Variants in HCLS1 observed in about 807,000 individuals in gnomAD.
HCLS1 encodes hematopoietic cell-specific Lyn substrate 1.
HCLS1 carries 44 observed loss-of-function variants against 68.6 expected under a neutral mutation model. The observed-to-expected ratio is 0.64, with a 90% CI of 0.50 to 0.82. HCLS1 has a LOEUF of 0.82. Among genes scored for constraint, HCLS1 ranks in the 40% least tolerant of loss-of-function variants. HCLS1 has a pLI of 0.00. For missense variants in HCLS1, 602 were observed against 612.1 expected, an observed-to-expected ratio of 0.98 and a Z score of 0.17; for synonymous variants, 217 against 225.8, an observed-to-expected ratio of 0.96 and a Z score of 0.35.
intron 3 of HCLS1, among the ~76,000 whole-genome samples, chr3:121,655,006 C>T (rs1167687386): frequency 6.6e-6 from 1 of 152,206 alleles, no homozygotes; most frequent in Admixed American, 6.5e-5. Flanking sequence ...TCTAAAGCCA[C>T]CTGGCCTGTT....
At chr3:121,656,407 T>A (rs986413609) in intron 3 of HCLS1, 1 of 152,234 alleles carries the variant, frequency 6.6e-6, no homozygotes, top group Non-Finnish European at 1.5e-5. Context: ...TTGCTACTAA[T>A]GTTTGACATT....
At chr3:121,644,964 A>G in intron 4 of HCLS1, 36 bp from the exon 5 acceptor site, 1 of 1,474,902 alleles carries the variant, frequency 6.8e-7, no homozygotes, top group Non-Finnish European at 9.5e-7. Context: ...GTGAAAAGAT[A>G]AAAATGACCT....
intron 4 of HCLS1, among the ~76,000 whole-genome samples, chr3:121,646,527 A>G (rs1400578597): frequency 9.3e-6 from 1 of 107,942 alleles, no homozygotes; most frequent in Non-Finnish European, 1.7e-5. Flanking sequence ...TCTGTTATAT[A>G]TAAGTATATA....
intron 9 of HCLS1, 25 bp downstream of exon 9, chr3:121,635,710 T>C: frequency 1.3e-6 from 2 of 1,573,964 alleles, no homozygotes; most frequent in Admixed American, 1.7e-5. Flanking sequence ...GTGAGGTGCA[T>C]GGAGAGTGAA....
intron 7 of HCLS1, 130 bp from the exon 8 acceptor site, chr3:121,636,619 A>C: frequency 1.4e-6 from 1 of 734,894 alleles, no homozygotes; most frequent in Non-Finnish European, 2.4e-6. Context: ...CAGAGGATAG[A>C]GGGAGGCATG....
In HCLS1 at chr3:121,632,166, G is replaced by GCCCCAT. The variant is rs2049104096; in HGVS notation, c.1258_1259insATGGGG (p.Pro419_Ala420insAspGly). The GCCCCAT allele has an allele frequency of 2.5e-6, 4 of 1,613,914 alleles. No individual in the cohort carries two copies. Among genetic ancestry groups the GCCCCAT allele is most frequent in the Middle Eastern group, 1.6e-4 (1 of 6,084 alleles). ...AGCCACAGCCCCAGCCCCAGCCCCAGCCGGGCAGCCTGATGATCCTGCATA... is the reference window on the plus strand; with the variant it reads ...AGCCACAGCCCCAGCCCCAGCCCCAGCCCCATCCGGGCAGCCTGATGATCCTGCATA... On this transcript the variant is annotated inframe_insertion, in exon 13 of 14. Coordinates refer to ENST00000314583, the MANE Select transcript of HCLS1 (RefSeq NM_005335.6).
At chr3:121,637,885 A>G (rs112102372) in intron 6 of HCLS1, among the ~76,000 whole-genome samples, 33,918 of 151,562 alleles carry the variant, frequency 0.22, 3,936 homozygotes, top group East Asian at 0.3. Flanking sequence ...GCAGTGAGCC[A>G]AGATTGCACC....
chr3:121,651,892 A>G (rs1460945722), intron 3 of HCLS1, among the ~76,000 whole-genome samples: 2 of 152,176 alleles, frequency 1.3e-5, no homozygotes, highest in Non-Finnish European at 2.9e-5. Flanking sequence ...ACTCCTGGCA[A>G]TTTTCCAAGA....
rs1008028209 is a variant in HCLS1, at chr3:121,631,650, C to T, written c.*196G>A. 5.5e-5 allele frequency: 32 copies of T among 586,936 alleles called. No individual in the cohort carries two copies. Among genetic ancestry groups the T allele is most frequent in the Non-Finnish European group, 6.3e-5 (21 of 330,992 alleles). 36.4% of individuals were successfully genotyped at this position (586,936 alleles called of 1,614,324 possible). ...CAAGAGAAATGTTCATGAGCTCATC[C>T]AGGATAGAGAGGACTCTTGGGGAAG... On this transcript the variant is annotated 3_prime_UTR_variant, in exon 14 of 14. Transcript: ENST00000314583.
rs773864484 is a variant in HCLS1 at position 121,637,226 on chromosome 3, C to T, written c.485G>A (p.Gly162Glu). 1 of 1,613,910 alleles carries T rather than the reference C, an allele frequency of 6.2e-7. No homozygotes were observed. Among genetic ancestry groups the T allele is most frequent in the African/African-American group, 1.3e-5 (1 of 74,894 alleles). Residue 162 changes from glycine (G) to glutamate (E), a missense_variant, in exon 7 of 14, where the codon GGG (glycine) becomes GAG (glutamate). Transcript: ENST00000314583. ...DYSRGFGGRY[G>E]VEKDKWDKAA... is the part of the protein sequence containing the mutation. The stretch of plus-strand genomic sequence containing the variant: ...TTTGTCCCATTTATCCTTCTCCACC[C>T]CGTACCGGCCACCAAAGCCACGAGA...
At chr3:121,644,703 C>T (rs1266618704) in intron 5 of HCLS1, 115 bp downstream of exon 5, 1 of 823,236 alleles carries the variant, frequency 1.2e-6, no homozygotes, top group Non-Finnish European at 2.2e-6. Context: ...CAGGTCCTCA[C>T]AGCATCCACT....
chr3:121,659,901 C>T (rs1055123959), intron 1 of HCLS1, among the ~76,000 whole-genome samples: 2 of 152,212 alleles, frequency 1.3e-5, no homozygotes, highest in African/African-American at 4.8e-5. Flanking sequence ...CTGACTCTCC[C>T]ATTCACCCAT....
At chr3:121,633,552 A>T (rs1255507215) in intron 10 of HCLS1, among the ~76,000 whole-genome samples, 1 of 150,158 alleles carries the variant, frequency 6.7e-6, no homozygotes. Context: ...TATTTTATGC[A>T]TTTTTTGAGA....
intron 1 of HCLS1, among the ~76,000 whole-genome samples, chr3:121,660,595 C>G (rs1337455275): frequency 6.6e-6 from 1 of 152,202 alleles, no homozygotes; most frequent in Non-Finnish European, 1.5e-5. Context: ...GATGTTGGTG[C>G]TAGATGGCTC....
At chr3:121,658,444 T>C (rs1576223217) in intron 1 of HCLS1, 97 bp from the exon 2 acceptor site, 1 of 898,892 alleles carries the variant, frequency 1.1e-6, no homozygotes, top group Non-Finnish European at 1.8e-6. Context: ...GCCCAATATT[T>C]CCTGCCATTT....
intron 3 of HCLS1, among the ~76,000 whole-genome samples, chr3:121,651,927 G>C (rs567966815): frequency 6.6e-6 from 1 of 152,274 alleles, no homozygotes; most frequent in African/African-American, 2.4e-5. Context: ...TCAACAAAAA[G>C]ATTTGTACCC....
chr3:121,634,652 T>C (rs2049132369), intron 9 of HCLS1, among the ~76,000 whole-genome samples: 1 of 152,098 alleles, frequency 6.6e-6, no homozygotes, highest in South Asian at 2.1e-4. Context: ...TCTTTTTTTT[T>C]TCTTGAGACA....
At chr3:121,657,523 TA>T (rs1274135844) in intron 2 of HCLS1, among the ~76,000 whole-genome samples, 171 bp from the exon 3 acceptor site, 7 of 152,142 alleles carry the variant, frequency 4.6e-5, no homozygotes, top group African/African-American at 1.7e-4. Flanking sequence ...ATGTAAGAAT[TA>T]AACTGGTGAG....
chr3:121,640,794 G>C (rs1273559770), intron 6 of HCLS1, among the ~76,000 whole-genome samples: 1 of 107,190 alleles, frequency 9.3e-6, no homozygotes, highest in African/African-American at 3.5e-5. Flanking sequence ...GGGGAGGGGA[G>C]GGGAGGGGAG....
Sources: gnomAD v4.1 joint callset for allele counts (sites outside exome capture counted in the v4.1 genomes callset) on GRCh38, gnomAD v4.1.1 for gene constraint, MANE v1.5 for transcripts, NCBI Gene and HGNC (gene_info 2026-07-23, HGNC 2026-07-21) for gene names.